The following PLEKHA2 variants were observed in gnomAD, a reference collection of about 807,000 sequenced individuals.
PLEKHA2 encodes the protein pleckstrin homology domain containing A2.
In PLEKHA2, 28 loss-of-function variants were observed where a neutral mutation model predicts 53.2. The ratio of observed to expected loss-of-function variants is 0.53; its 90% CI spans 0.39 to 0.72. PLEKHA2 has a LOEUF of 0.72. Ranked by LOEUF, PLEKHA2 falls within the 30% of genes least tolerant of loss-of-function variation. The probability of loss-of-function intolerance (pLI) is 0.00; values close to 1 mark genes in which losing one functional copy is unlikely to be tolerated. For missense variants in PLEKHA2, 426 were observed against 537.9 expected (o/e 0.79, Z 2.06); for synonymous variants, 193 against 196.4 (o/e 0.98, Z 0.14).
In PLEKHA2 at chr8:38,972,573, C is replaced by A. The variant is rs1835272072; in HGVS notation, c.*2790C>A. On this transcript the variant is annotated 3_prime_UTR_variant, in exon 12 of 12. Transcript: ENST00000617275. The stretch of plus-strand genomic sequence containing the variant: ...AGCATTCCATTCCTAAATTGTATTT[C>A]AAACTTCCTATTTTGTTGATATTTC... 1.3e-5 allele frequency: 2 copies of A among 152,314 alleles called. No individual in the cohort carries two copies. The allele number at this position is 152,314 out of a possible 1,614,324, so 9.4% of individuals were successfully genotyped here. A position where few individuals can be genotyped will look rare whatever the true frequency, so the allele number is the denominator to read the frequency against.
intron 10 of PLEKHA2, among the ~76,000 whole-genome samples, chr8:38,967,963 C>T (rs1040600117): frequency 6.6e-6 from 1 of 152,096 alleles, no homozygotes; most frequent in East Asian, 1.9e-4. Context: ...GCTTGGCCTA[C>T]ACTTTTTAAT....
chr8:38,963,011 TA>T (rs1364388803), intron 10 of PLEKHA2, among the ~76,000 whole-genome samples: 1 of 152,204 alleles, frequency 6.6e-6, no homozygotes, highest in South Asian at 2.1e-4. Flanking sequence ...AGGAGTTGCC[TA>T]AAAATTTTGG....
At position 38,970,096 on chromosome 8, in the gene PLEKHA2, A is replaced by G. The variant is rs1249383688; in HGVS notation, c.*313A>G. On this transcript the variant is annotated 3_prime_UTR_variant, in exon 12 of 12. Coordinates refer to ENST00000617275, the MANE Select transcript of PLEKHA2 (RefSeq NM_021623.2). The stretch of plus-strand genomic sequence containing the variant: ...TATTCTGAGGTCTTCCTGGAGAGGG[A>G]TTGTTTTAGCAGCTCCTCTCCAGAG... 3 of 468,838 alleles carry G rather than the reference A, an allele frequency of 6.4e-6. No individual in the cohort carries two copies. Among genetic ancestry groups the G allele is most frequent in the Non-Finnish European group, 1.1e-5 (3 of 271,170 alleles). 29.0% of individuals were successfully genotyped at this position (468,838 alleles called of 1,614,324 possible). A position where few individuals can be genotyped will look rare whatever the true frequency, so the allele number is the denominator to read the frequency against.
At chr8:38,915,168 A>G (rs115866551) in intron 1 of PLEKHA2, among the ~76,000 whole-genome samples, 3,927 of 152,158 alleles carry the variant, frequency 0.026, 59 homozygotes, top group Middle Eastern at 0.058. Context: ...TTGGTCTCAA[A>G]CCCCTGGCCT....
At position 38,954,724 on chromosome 8, in the gene PLEKHA2, TA is replaced by T. The variant is rs111901773; in HGVS notation, c.773+1364del. ...GGCACCATGTAGCCTGGTGCCGTTT[TA>T]AAAAAATATATATCTTTTTAGGCCG... On this transcript the variant is annotated intron_variant, in intron 9 of 11. Transcript: ENST00000617275. Among the ~76,000 whole-genome samples the T allele has an allele frequency of 3.9e-5, 6 of 152,182 alleles. 1 individual carries two copies. The highest frequency in any genetic ancestry group is 1.2e-4 in the African/African-American group (5 of 41,532).
intron 2 of PLEKHA2, among the ~76,000 whole-genome samples, chr8:38,918,868 C>G (rs1834129661): frequency 1.3e-5 from 2 of 152,216 alleles, no homozygotes; most frequent in Admixed American, 1.3e-4. Context: ...TGATGCTGTC[C>G]TGACCCTGGC....
intron 9 of PLEKHA2, among the ~76,000 whole-genome samples, chr8:38,953,809 C>T (rs1387564160): frequency 6.6e-6 from 1 of 152,162 alleles, no homozygotes; most frequent in East Asian, 1.9e-4. Context: ...CTTTTCTCCT[C>T]CTTTTGACCC....
intron 1 of PLEKHA2, among the ~76,000 whole-genome samples, chr8:38,908,619 G>A (rs985170007): frequency 1.3e-5 from 2 of 152,170 alleles, no homozygotes; most frequent in African/African-American, 2.4e-5. Flanking sequence ...CTCATAGCCC[G>A]TAGATAATAA....
Position 38,918,553 on chromosome 8 carries a change from C to CACACAAACACCAG in PLEKHA2, c.141+488_141+489insAACACCAGACACA. On this transcript the variant is annotated intron_variant, in intron 2 of 11. Transcript: ENST00000617275. ...ACACACACCCCATATACACACACCA[C>CACACAAACACCAG]ACACACATTATACACACACATGCAC... is the stretch of plus-strand genomic sequence containing the variant. Among the ~76,000 whole-genome samples the CACACAAACACCAG allele has an allele frequency of 1.8e-3, 160 of 89,382 alleles. 23 individuals are homozygous for CACACAAACACCAG. The highest frequency in any genetic ancestry group is 2.0e-3 in the African/African-American group (46 of 22,532). The allele number at this position is 89,382 out of a possible 152,430, so 58.6% of individuals were successfully genotyped here.
intron 3 of PLEKHA2, among the ~76,000 whole-genome samples, chr8:38,937,512 T>C (rs1834519092): frequency 6.6e-6 from 1 of 152,008 alleles, no homozygotes; most frequent in Non-Finnish European, 1.5e-5. Flanking sequence ...TTTTTTTATT[T>C]TTGGTTGGGG....
chr8:38,969,705 A>G lies in PLEKHA2; in HGVS notation c.1200A>G (p.Arg400=). The change falls in exon 12 of 12, where the codon AGA becomes AGG. Residue 400 remains arginine (R), a synonymous_variant. Coordinates refer to ENST00000617275, the MANE Select transcript of PLEKHA2 (RefSeq NM_021623.2). Reference sequence around the variant, plus strand: ...TGCCCAGCTCCCGGATAAGGCACAGATCGGAGCCCCAGCACCCCAAGGAGA... The same window carrying G: ...TGCCCAGCTCCCGGATAAGGCACAGGTCGGAGCCCCAGCACCCCAAGGAGA... ...GVLPSSRIRH[R]SEPQHPKEKP... is the part of the protein sequence containing the mutation. 1 of 1,565,370 alleles carries G rather than the reference A, an allele frequency of 6.4e-7. No homozygotes were observed. The highest frequency in any genetic ancestry group is 8.7e-7 in the Non-Finnish European group (1 of 1,155,164).
chr8:38,958,859 G>C (rs1588275046), intron 10 of PLEKHA2, among the ~76,000 whole-genome samples: 1 of 152,298 alleles, frequency 6.6e-6, no homozygotes, highest in South Asian at 2.1e-4. Flanking sequence ...GAGAGAGAGA[G>C]CTCGTCAAGT....
intron 4 of PLEKHA2, 93 bp from the exon 5 acceptor site, chr8:38,946,031 A>G (rs1641952192): frequency 2.1e-6 from 2 of 966,024 alleles, no homozygotes; most frequent in South Asian, 2.9e-5. Context: ...CACTCATCTC[A>G]CTCCCTCAAA....
intron 1 of PLEKHA2, among the ~76,000 whole-genome samples, chr8:38,913,278 C>T (rs759911915): frequency 6.6e-6 from 1 of 151,440 alleles, no homozygotes; most frequent in Non-Finnish European, 1.5e-5. Flanking sequence ...GCAGGACAAT[C>T]GCTTGAACCT....
At chr8:38,927,361 G>A (rs1018856188) in intron 2 of PLEKHA2, among the ~76,000 whole-genome samples, 1 of 151,966 alleles carries the variant, frequency 6.6e-6, no homozygotes, top group Non-Finnish European at 1.5e-5. Flanking sequence ...AAGAAATTAG[G>A]CAATCGTGGT....
intron 2 of PLEKHA2, among the ~76,000 whole-genome samples, chr8:38,924,463 C>A (rs906609066): frequency 7.2e-5 from 11 of 152,158 alleles, no homozygotes; most frequent in African/African-American, 2.7e-4. Context: ...GGAGGCCAGA[C>A]AAGGGTGTGA....
chr8:38,916,143 T>C (rs1455857815), intron 1 of PLEKHA2, among the ~76,000 whole-genome samples: 1 of 152,062 alleles, frequency 6.6e-6, no homozygotes, highest in East Asian at 1.9e-4. Flanking sequence ...GACTGGCTAA[T>C]TTTTTGTATT....
chr8:38,973,877 G>T lies in PLEKHA2; in HGVS notation c.*4094G>T. 3.9e-6 allele frequency: 1 copy of T among 256,730 alleles called. No individual in the cohort carries two copies. 15.9% of individuals were successfully genotyped at this position (256,730 alleles called of 1,614,324 possible). On this transcript the variant is annotated 3_prime_UTR_variant, in exon 12 of 12. Transcript: ENST00000617275. ...AAAAATTTTCTAAAACTGTTTTGTG[G>T]CTTGTTTTGTAATAAAACCATGTGA...
chr8:38,917,818 T>C, intron 1 of PLEKHA2, 89 bp from the exon 2 acceptor site: 1 of 1,448,588 alleles, frequency 6.9e-7, no homozygotes, highest in Admixed American at 2.2e-5. Flanking sequence ...GGTGAGAGTC[T>C]CAGCCCAGCT....
Sources: allele counts gnomAD v4.1 joint callset (sites outside exome capture counted in the v4.1 genomes callset), GRCh38; gene constraint gnomAD v4.1.1; transcripts MANE v1.5; gene names NCBI Gene and HGNC (gene_info 2026-07-23, HGNC 2026-07-21).